FCHO1: variants seen among roughly 807,000 people sequenced by gnomAD.
FCHO1 encodes the protein F-BAR domain only protein 1.
FCHO1 carries 45 observed loss-of-function variants against 114.4 expected under a neutral mutation model. That is an observed-to-expected ratio of 0.39 (90% confidence interval 0.31 to 0.50). The LOEUF (loss-of-function observed/expected upper bound fraction) is 0.50. Ranked by LOEUF, FCHO1 falls within the 20% of genes least tolerant of loss-of-function variation. FCHO1 has a pLI of 0.77. For missense variants in FCHO1, 1,042 were observed against 1,209.6 expected (o/e 0.86, Z 2.06); for synonymous variants, 480 against 488.9 (o/e 0.98, Z 0.24).
At chr19:17,764,586 C>G in intron 6 of FCHO1, 137 bp downstream of exon 6, 1 of 665,666 alleles carries the variant, frequency 1.5e-6, no homozygotes, top group Non-Finnish European at 2.5e-6. Context: ...GGATGTATAT[C>G]ATTCATTCAC....
intron 23 of FCHO1, 46 bp from the exon 24 acceptor site, chr19:17,782,971 C>A (rs150367745): frequency 1.3e-6 from 2 of 1,598,150 alleles, no homozygotes; most frequent in Non-Finnish European, 1.7e-6. Context: ...GGATGAGGCA[C>A]CAGGCAGAGC....
intron 7 of FCHO1, among the ~76,000 whole-genome samples, chr19:17,767,691 A>C (rs537379980): frequency 6.6e-6 from 1 of 152,242 alleles, no homozygotes; most frequent in Non-Finnish European, 1.5e-5. Context: ...TGACAGTCAC[A>C]TATCAGTGCC....
chr19:17,781,718 C>A lies in FCHO1; in HGVS notation c.1835C>A (p.Ser612Tyr), dbSNP rs747334107. The stretch of plus-strand genomic sequence containing the variant: ...CCCTCTCCACCACCCCCAGGAGTCT[C>A]CCGGGGTCCGAGCCCTGTGGTCCTG... ...SFLSQTGHGVSRGPSPVVLGS... is the reference protein window; with the variant it reads ...SFLSQTGHGVYRGPSPVVLGS... Residue 612 changes from serine to tyrosine, a missense_variant, in exon 23 of 29, where the codon TCC (serine) becomes TAC (tyrosine). Coordinates refer to ENST00000596536, the MANE Select transcript of FCHO1 (RefSeq NM_015122.3). 6 of 1,603,182 alleles carry A rather than the reference C, an allele frequency of 3.7e-6. No individual in the cohort carries two copies. Among genetic ancestry groups the A allele is most frequent in the Non-Finnish European group, 5.1e-6 (6 of 1,174,804 alleles).
Sources: allele counts gnomAD v4.1 joint callset (sites outside exome capture counted in the v4.1 genomes callset), GRCh38; gene constraint gnomAD v4.1.1; transcripts MANE v1.5; gene names NCBI Gene and HGNC (gene_info 2026-07-23, HGNC 2026-07-21).